Variants in KCNJ3 observed in about 807,000 individuals in gnomAD.
KCNJ3 encodes G protein-activated inward rectifier potassium channel 1.
In KCNJ3, 4 loss-of-function variants were observed where a neutral mutation model predicts 39.2. That is an observed-to-expected ratio of 0.10 (90% CI 0.05 to 0.23). KCNJ3 has a LOEUF of 0.23. KCNJ3 is among the 10% of genes least tolerant of loss of function. KCNJ3 has a pLI of 1.00. For synonymous variants in KCNJ3, 230 were observed against 237.4 expected, an observed-to-expected ratio of 0.97 and a Z score of 0.29; for missense variants, 276 against 634.9, an observed-to-expected ratio of 0.43 and a Z score of 6.08.
At chr2:154,776,266 T>G (rs1686333075) in intron 2 of KCNJ3, among the ~76,000 whole-genome samples, 2 of 152,132 alleles carry the variant, frequency 1.3e-5, no homozygotes, top group Admixed American at 6.5e-5. Flanking sequence ...CCTCCCAAAG[T>G]GCTTGGAGTA....
At chr2:154,738,987 A>T (rs1197577296) in intron 2 of KCNJ3, among the ~76,000 whole-genome samples, 1 of 152,062 alleles carries the variant, frequency 6.6e-6, no homozygotes, top group South Asian at 2.1e-4. Context: ...CTTACTTTGA[A>T]TTACTTCATT....
intron 2 of KCNJ3, among the ~76,000 whole-genome samples, chr2:154,713,261 T>G (rs1685129935): frequency 6.6e-6 from 1 of 152,134 alleles, no homozygotes; most frequent in Admixed American, 6.5e-5. Context: ...TAAAAATTAG[T>G]CATTCTGAAT....
At chr2:154,734,049 G>T (rs1035313555) in intron 2 of KCNJ3, among the ~76,000 whole-genome samples, 1 of 152,110 alleles carries the variant, frequency 6.6e-6, no homozygotes, top group African/African-American at 2.4e-5. Flanking sequence ...TATTTCTAAG[G>T]CCTTTTTCAG....
intron 2 of KCNJ3, among the ~76,000 whole-genome samples, chr2:154,776,802 T>G (rs935877270): frequency 2.6e-5 from 4 of 152,268 alleles, no homozygotes; most frequent in South Asian, 4.1e-4. Context: ...CCAAGATGAC[T>G]GAAATTTTAT....
intron 2 of KCNJ3, among the ~76,000 whole-genome samples, chr2:154,802,014 A>G (rs1181285816): frequency 6.6e-6 from 1 of 152,130 alleles, no homozygotes; most frequent in African/African-American, 2.4e-5. Flanking sequence ...TTTTCTTGCT[A>G]TTAATGTTGT....
At chr2:154,747,153 C>G (rs1209897172) in intron 2 of KCNJ3, among the ~76,000 whole-genome samples, 1 of 151,798 alleles carries the variant, frequency 6.6e-6, no homozygotes, top group Non-Finnish European at 1.5e-5. Context: ...TACTTAGTGA[C>G]TATAGATAAT....
intron 2 of KCNJ3, among the ~76,000 whole-genome samples, chr2:154,815,259 T>A (rs1687064141): frequency 6.6e-6 from 1 of 152,154 alleles, no homozygotes; most frequent in African/African-American, 2.4e-5. Flanking sequence ...TTTAACTAAA[T>A]CCTAAAAAGG....
chr2:154,756,924 T>C lies in KCNJ3; in HGVS notation c.919+47105T>C, dbSNP rs147897288. Among the ~76,000 whole-genome samples, 723 of 152,150 alleles carry C rather than the reference T, an allele frequency of 4.8e-3. 6 individuals are homozygous for C. The highest frequency in any genetic ancestry group is 0.017 in the African/African-American group (704 of 41,546). On this transcript the variant is annotated intron_variant, in intron 2 of 2. Transcript: ENST00000295101. The stretch of plus-strand genomic sequence containing the variant: ...AAGATATATGTGAGAGGATTTTGAC[T>C]GAAATACACTCTTGGAAACTATATA...
At chr2:154,813,032 A>G (rs1687028312) in intron 2 of KCNJ3, among the ~76,000 whole-genome samples, 1 of 152,180 alleles carries the variant, frequency 6.6e-6, no homozygotes, top group South Asian at 2.1e-4. Flanking sequence ...TGTTTTTCAA[A>G]TGCAGAAACT....
At chr2:154,702,099 T>C (rs1684908902) in intron 1 of KCNJ3, among the ~76,000 whole-genome samples, 1 of 152,026 alleles carries the variant, frequency 6.6e-6, no homozygotes, top group Non-Finnish European at 1.5e-5. Context: ...AAATAGAAGC[T>C]ATACCAAAAT....
At chr2:154,782,538 A>G (rs1261358561) in intron 2 of KCNJ3, among the ~76,000 whole-genome samples, 1 of 70,108 alleles carries the variant, frequency 1.4e-5, no homozygotes, top group African/African-American at 4.6e-5. Context: ...ACACACACAC[A>G]CATACACGCA....
intron 2 of KCNJ3, among the ~76,000 whole-genome samples, chr2:154,796,286 G>C (rs1686719756): frequency 6.6e-6 from 1 of 152,124 alleles, no homozygotes; most frequent in Non-Finnish European, 1.5e-5. Flanking sequence ...AAGCTGGGTA[G>C]ACATTCAAGA....
At chr2:154,712,869 T>C (rs2105153975) in intron 2 of KCNJ3, among the ~76,000 whole-genome samples, 1 of 152,178 alleles carries the variant, frequency 6.6e-6, no homozygotes, top group East Asian at 1.9e-4. Flanking sequence ...AGGGAAGGTC[T>C]GAAGAGGGGA....
intron 2 of KCNJ3, among the ~76,000 whole-genome samples, chr2:154,721,750 C>A (rs1685266470): frequency 6.6e-6 from 1 of 151,966 alleles, no homozygotes; most frequent in Non-Finnish European, 1.5e-5. Context: ...ATAACATGCA[C>A]CTTAATGATA....
intron 2 of KCNJ3, among the ~76,000 whole-genome samples, chr2:154,833,457 C>A (rs925948720): frequency 2.6e-5 from 4 of 152,200 alleles, no homozygotes; most frequent in Non-Finnish European, 5.9e-5. Context: ...TTCCCCCCAG[C>A]CCAATCTCTA....
intron 2 of KCNJ3, among the ~76,000 whole-genome samples, chr2:154,718,188 T>G (rs2105158013): frequency 6.6e-6 from 1 of 152,312 alleles, no homozygotes; most frequent in East Asian, 1.9e-4. Context: ...TGTTATATAT[T>G]TGTTATTTAT....
At chr2:154,799,224 C>A (rs916247898) in intron 2 of KCNJ3, among the ~76,000 whole-genome samples, 1 of 152,132 alleles carries the variant, frequency 6.6e-6, no homozygotes, top group African/African-American at 2.4e-5. Flanking sequence ...CTCCTCCTCC[C>A]AGGTTCAAAT....
At chr2:154,711,280 C>A (rs1277383502) in intron 2 of KCNJ3, among the ~76,000 whole-genome samples, 1 of 152,016 alleles carries the variant, frequency 6.6e-6, no homozygotes, top group Non-Finnish European at 1.5e-5. Context: ...TTACTCATCT[C>A]ATTTATTAAA....
rs188454807 is a variant in KCNJ3 at position 154,809,559 on chromosome 2, G to A, written c.920-45168G>A. On this transcript the variant is annotated intron_variant, in intron 2 of 2. Transcript: ENST00000295101. Reference sequence around the variant, plus strand: ...ACATTGGATTGACAAAGAGTGGTCAGGTTTTCATTTTAGCACCGTCTACCA... The same window carrying A: ...ACATTGGATTGACAAAGAGTGGTCAAGTTTTCATTTTAGCACCGTCTACCA... 5.5e-4 allele frequency among the ~76,000 whole-genome samples: 84 copies of A among 152,278 alleles called. No homozygotes were observed. In the East Asian group the frequency reaches 0.011, roughly 20 times the overall value.
Sources: allele counts gnomAD v4.1 joint callset (sites outside exome capture counted in the v4.1 genomes callset), GRCh38; gene constraint gnomAD v4.1.1; transcripts MANE v1.5; gene names NCBI Gene and HGNC (gene_info 2026-07-23, HGNC 2026-07-21).